KSR2: variants seen among roughly 807,000 people sequenced by gnomAD.
The protein encoded by KSR2 is kinase suppressor of ras 2.
KSR2 carries 25 observed loss-of-function variants against 107.8 expected under a neutral mutation model. The ratio of observed to expected loss-of-function variants is 0.23; its 90% CI spans 0.17 to 0.32. KSR2 has a LOEUF of 0.32. KSR2 is among the 10% of genes least tolerant of loss of function. KSR2 has a pLI of 1.00. For synonymous variants in KSR2, 480 were observed against 507.0 expected (o/e 0.95, Z 0.71); for missense variants, 887 against 1,268.9 (o/e 0.70, Z 4.57).
intron 3 of KSR2, among the ~76,000 whole-genome samples, chr12:117,824,790 G>C (rs1264910937): frequency 6.6e-6 from 1 of 150,940 alleles, no homozygotes; most frequent in African/African-American, 2.4e-5. Context: ...CCGGGAGGCG[G>C]CGCTTGCAGT....
intron 5 of KSR2, among the ~76,000 whole-genome samples, chr12:117,607,973 C>A (rs1252816948): frequency 6.6e-6 from 1 of 152,150 alleles, no homozygotes; most frequent in Non-Finnish European, 1.5e-5. Context: ...TGCAGCCCGG[C>A]CAACAGGAAT....
At chr12:117,786,952 C>T (rs1345097005) in intron 3 of KSR2, among the ~76,000 whole-genome samples, 1 of 151,968 alleles carries the variant, frequency 6.6e-6, no homozygotes, top group Non-Finnish European at 1.5e-5. Context: ...TCGCTTGAAC[C>T]CAGGAGGTGG....
At chr12:117,798,735 A>ATATATATATATATC (rs10667993) in intron 3 of KSR2, among the ~76,000 whole-genome samples, 15 of 142,522 alleles carry the variant, frequency 1.1e-4, no homozygotes, top group East Asian at 8.3e-4. Context: ...ATATATATAT[A>ATATATATATATATC]TCAACCCAAA....
At position 117,756,689 on chromosome 12, in the gene KSR2, G is replaced by T. The variant is rs144267111; in HGVS notation, c.986+4322C>A. Among the ~76,000 whole-genome samples the T allele has an allele frequency of 4.5e-3, 688 of 152,268 alleles. 8 individuals carry two copies. The highest frequency in any genetic ancestry group is 0.016 in the African/African-American group (645 of 41,548). ...TTATCTTTCAAGTCTTATTATTTAA[G>T]AAATACATTTTATAAGGCTATAGCT... On this transcript the variant is annotated intron_variant, in intron 4 of 19. Coordinates refer to ENST00000339824, the MANE Select transcript of KSR2 (RefSeq NM_173598.6).
At position 117,862,728 on chromosome 12, in the gene KSR2, C is replaced by G. The variant is rs531625707; in HGVS notation, c.181-2297G>C. On this transcript the variant is annotated intron_variant, in intron 1 of 19. Coordinates refer to ENST00000339824, the MANE Select transcript of KSR2 (RefSeq NM_173598.6). Reference sequence around the variant, plus strand: ...TTGCTATCTGGTCTCCATTCCCCCCCTTTTTTTTTTTTTTTTTTTGAGACG... The same window carrying G: ...TTGCTATCTGGTCTCCATTCCCCCCGTTTTTTTTTTTTTTTTTTTGAGACG... Among the ~76,000 whole-genome samples the G allele has an allele frequency of 1.4e-4, 19 of 135,588 alleles. No individual in the cohort carries two copies. The East Asian group carries it at 3.3e-3, about 23-fold the overall frequency. 89.0% of individuals were successfully genotyped at this position (135,588 alleles called of 152,430 possible). A position where few individuals can be genotyped will look rare whatever the true frequency, so the allele number is the denominator to read the frequency against.
At chr12:117,851,567 G>A (rs997515432) in intron 3 of KSR2, among the ~76,000 whole-genome samples, 1 of 151,944 alleles carries the variant, frequency 6.6e-6, no homozygotes, top group Admixed American at 6.6e-5. Flanking sequence ...CAACCTGGGT[G>A]ACAAAGCAAG....
At chr12:117,614,550 A>G (rs114443294) in intron 5 of KSR2, among the ~76,000 whole-genome samples, 472 of 152,328 alleles carry the variant, frequency 3.1e-3, no homozygotes, top group African/African-American at 0.011. Context: ...TGTGAATTTA[A>G]TATCACTATT....
chr12:117,666,354 C>G (rs1884659301), intron 5 of KSR2, among the ~76,000 whole-genome samples: 1 of 152,084 alleles, frequency 6.6e-6, no homozygotes, highest in African/African-American at 2.4e-5. Context: ...TGTAAGAACC[C>G]TTAGATAAAA....
At chr12:117,886,383 C>T (rs1406630879) in intron 1 of KSR2, among the ~76,000 whole-genome samples, 1 of 151,882 alleles carries the variant, frequency 6.6e-6, no homozygotes, top group African/African-American at 2.4e-5. Flanking sequence ...CTATCAGTGA[C>T]AAATCATATA....
Position 117,522,728 on chromosome 12 carries a change from G to A in KSR2, c.2219+2124C>T, listed in dbSNP as rs181384844. Among the ~76,000 whole-genome samples, 6 of 152,120 alleles carry A rather than the reference G, an allele frequency of 3.9e-5. No homozygotes were observed. The South Asian group carries it at 6.2e-4, about 16-fold the overall frequency. ...TTGCTACACTTGGAAACCTGAGACCGCCATGAGAATGAGCCTGAGCTAGCC... is the reference window on the plus strand; with the variant it reads ...TTGCTACACTTGGAAACCTGAGACCACCATGAGAATGAGCCTGAGCTAGCC... On this transcript the variant is annotated intron_variant, in intron 14 of 19. Transcript: ENST00000339824.
At chr12:117,505,200 C>T (rs1433786123) in intron 14 of KSR2, among the ~76,000 whole-genome samples, 1 of 152,168 alleles carries the variant, frequency 6.6e-6, no homozygotes, top group African/African-American at 2.4e-5. Context: ...TGTGAATTGG[C>T]CCGCACCAGA....
chr12:117,518,255 T>A (rs2137217689), intron 14 of KSR2, among the ~76,000 whole-genome samples: 1 of 152,232 alleles, frequency 6.6e-6, no homozygotes, highest in South Asian at 2.1e-4. Context: ...TAAAAAATCA[T>A]CCTGGGGGGC....
At chr12:117,664,895 CAG>C (rs1884594532) in intron 5 of KSR2, among the ~76,000 whole-genome samples, 1 of 152,118 alleles carries the variant, frequency 6.6e-6, no homozygotes, top group Non-Finnish European at 1.5e-5. Context: ...ACACACCAGG[CAG>C]AGACAGAGGC....
chr12:117,863,901 T>A lies in KSR2; in HGVS notation c.181-3470A>T, dbSNP rs12318184. 6.6e-3 allele frequency among the ~76,000 whole-genome samples: 1,000 copies of A among 152,192 alleles called. 3 individuals carry two copies. Among genetic ancestry groups the A allele is most frequent in the African/African-American group, 0.022 (925 of 41,528 alleles). ...CTCCTGCTACTGCCCCTTACCCTCC[T>A]ACTTCCCTCTTATACAGACCCTTGC... is the stretch of plus-strand genomic sequence containing the variant. On this transcript the variant is annotated intron_variant, in intron 1 of 19. Transcript: ENST00000339824.
chr12:117,727,429 A>AAGG (rs970441101), intron 4 of KSR2, among the ~76,000 whole-genome samples: 2 of 150,362 alleles, frequency 1.3e-5, no homozygotes. Context: ...GAAGAAGGGG[A>AAGG]AGGAGGAGGA....
intron 1 of KSR2, among the ~76,000 whole-genome samples, chr12:117,927,268 C>G (rs964459141): frequency 7.3e-5 from 11 of 151,712 alleles, no homozygotes; most frequent in Non-Finnish European, 8.8e-5. Flanking sequence ...CCCAGCTACT[C>G]GGGAGGCTGA....
chr12:117,600,750 C>T (rs1880894290), intron 5 of KSR2, among the ~76,000 whole-genome samples: 1 of 152,156 alleles, frequency 6.6e-6, no homozygotes, highest in South Asian at 2.1e-4. Context: ...CATGGTTTTC[C>T]AAACCCCACT....
intron 1 of KSR2, among the ~76,000 whole-genome samples, chr12:117,953,952 T>C (rs1896436348): frequency 6.6e-6 from 1 of 152,030 alleles, no homozygotes; most frequent in Non-Finnish European, 1.5e-5. Context: ...TAGCTAGGCA[T>C]GGTGGTGTGC....
chr12:117,830,312 T>A (rs1193440837), intron 3 of KSR2, among the ~76,000 whole-genome samples: 1 of 149,384 alleles, frequency 6.7e-6, no homozygotes, highest in Non-Finnish European at 1.5e-5. Context: ...TGGGTATACA[T>A]GGTCATAAAG....
Sources: gnomAD v4.1 joint callset for allele counts (sites outside exome capture counted in the v4.1 genomes callset) on GRCh38, gnomAD v4.1.1 for gene constraint, MANE v1.5 for transcripts, NCBI Gene and HGNC (gene_info 2026-07-23, HGNC 2026-07-21) for gene names.